The following XKR9 variants were observed in gnomAD, a reference collection of about 807,000 sequenced individuals.
XKR9 encodes the protein XK-related protein 9.
In XKR9, 32 loss-of-function variants were observed where a neutral mutation model predicts 32.0. The observed-to-expected ratio is 1.00, with a 90% CI of 0.76 to 1.34. The LOEUF is 1.34. XKR9 is among the 40% of genes most tolerant of loss of function. The pLI is 0.00. For missense variants in XKR9, 546 were observed against 429.7 expected, an observed-to-expected ratio of 1.27 and a Z score of -2.39; for synonymous variants, 168 against 143.4, an observed-to-expected ratio of 1.17 and a Z score of -1.22.
intron 3 of XKR9, among the ~76,000 whole-genome samples, chr8:70,695,583 G>A (rs1007861890): frequency 6.0e-4 from 91 of 151,858 alleles, no homozygotes; most frequent in African/African-American, 2.1e-3. Context: ...ATCATTGTTG[G>A]ACATCTGGGT....
the XKR9 span, among the ~76,000 whole-genome samples, chr8:70,934,041 AAG>A: frequency 4.1e-4 from 63 of 152,166 alleles, 2 homozygotes; most frequent in South Asian, 0.013. Flanking sequence ...GAAGGGGAAA[AAG>A]AGAAGAAAAA....
the XKR9 span, among the ~76,000 whole-genome samples, chr8:70,897,716 A>G: frequency 6.6e-6 from 1 of 152,072 alleles, no homozygotes; most frequent in Non-Finnish European, 1.5e-5. Flanking sequence ...CCCACTTTTA[A>G]ATAGGATTAT....
chr8:70,995,177 G>A, the XKR9 span, among the ~76,000 whole-genome samples: 1 of 152,142 alleles, frequency 6.6e-6, no homozygotes, highest in Non-Finnish European at 1.5e-5. Flanking sequence ...AACGATAAGT[G>A]GCTGAGAGAA....
the XKR9 span, among the ~76,000 whole-genome samples, chr8:71,063,721 T>C: frequency 6.6e-6 from 1 of 152,228 alleles, no homozygotes; most frequent in African/African-American, 2.4e-5. Flanking sequence ...TTAATGTTAG[T>C]TGCATGTGAA....
At chr8:70,915,931 C>A in the XKR9 span, among the ~76,000 whole-genome samples, 2 of 152,150 alleles carry the variant, frequency 1.3e-5, no homozygotes, top group South Asian at 4.1e-4. Context: ...TTAAGTCAAC[C>A]ACAAGCTAAC....
intron 4 of XKR9, among the ~76,000 whole-genome samples, chr8:70,724,609 G>A (rs1182744078): frequency 6.6e-6 from 1 of 152,102 alleles, no homozygotes; most frequent in Non-Finnish European, 1.5e-5. Context: ...GTCCCTCACG[G>A]CTTCCCTTGG....
chr8:70,711,267 A>T (rs993254999), intron 4 of XKR9, among the ~76,000 whole-genome samples: 1 of 152,196 alleles, frequency 6.6e-6, no homozygotes, highest in Non-Finnish European at 1.5e-5. Flanking sequence ...CAGCAATCCC[A>T]TTACTGGGTA....
At chr8:70,732,553 C>G (rs1285850298) in intron 4 of XKR9, among the ~76,000 whole-genome samples, 1 of 152,178 alleles carries the variant, frequency 6.6e-6, no homozygotes, top group African/African-American at 2.4e-5. Flanking sequence ...TTTGTAACCA[C>G]CCAGTGGGTT....
the XKR9 span, among the ~76,000 whole-genome samples, chr8:70,939,868 G>A: frequency 3.3e-5 from 5 of 152,160 alleles, no homozygotes; most frequent in East Asian, 9.7e-4. Flanking sequence ...TTGGTCACTT[G>A]CTGTATTCTA....
the XKR9 span, among the ~76,000 whole-genome samples, chr8:70,966,811 C>T: frequency 3.3e-5 from 5 of 152,030 alleles, no homozygotes; most frequent in African/African-American, 4.8e-5. Context: ...TCCTGTATTG[C>T]GTGCATATAT....
chr8:70,932,388 C>T, the XKR9 span, among the ~76,000 whole-genome samples: 1 of 151,958 alleles, frequency 6.6e-6, no homozygotes, highest in African/African-American at 2.4e-5. Flanking sequence ...TTTAAGGATG[C>T]AAATATTCAG....
chr8:71,050,234 G>GATATATATATATATATATATATAT, the XKR9 span, among the ~76,000 whole-genome samples: 1 of 95,960 alleles, frequency 1.0e-5, no homozygotes, highest in Non-Finnish European at 2.4e-5. Flanking sequence ...ATGCCTGGCA[G>GATATATATATATATATATATATAT]AGATATATAT....
At chr8:70,676,804 A>G (rs1178315010) in intron 2 of XKR9, among the ~76,000 whole-genome samples, 1 of 152,156 alleles carries the variant, frequency 6.6e-6, no homozygotes, top group African/African-American at 2.4e-5. Flanking sequence ...GAGCACAGGA[A>G]TTCAAGACCA....
chr8:70,977,511 A>G, the XKR9 span, among the ~76,000 whole-genome samples: 1 of 152,194 alleles, frequency 6.6e-6, no homozygotes. Flanking sequence ...TCATTCAGGA[A>G]CATTTTTCTC....
chr8:70,694,032 A>G (rs1202869820), intron 3 of XKR9, among the ~76,000 whole-genome samples: 1 of 151,932 alleles, frequency 6.6e-6, no homozygotes, highest in Non-Finnish European at 1.5e-5. Flanking sequence ...GGGAATGGGT[A>G]CCCATGTAAC....
the XKR9 span, among the ~76,000 whole-genome samples, chr8:70,869,135 A>G: frequency 6.6e-6 from 1 of 152,212 alleles, no homozygotes; most frequent in Admixed American, 6.5e-5. Context: ...CCTGTCTTCC[A>G]TGGAGCCCTC....
chr8:71,021,798 G>A, the XKR9 span, among the ~76,000 whole-genome samples: 3 of 152,168 alleles, frequency 2.0e-5, no homozygotes, highest in Admixed American at 2.0e-4. Context: ...ACCGCGCCCG[G>A]CCTGTTGATG....
At chr8:70,848,118 C>A in the XKR9 span, among the ~76,000 whole-genome samples, 1 of 152,030 alleles carries the variant, frequency 6.6e-6, no homozygotes. Context: ...GATCATTCAC[C>A]ATGATCAAGT....
the XKR9 span, among the ~76,000 whole-genome samples, chr8:70,968,933 A>T: frequency 6.6e-6 from 1 of 152,116 alleles, no homozygotes; most frequent in East Asian, 1.9e-4. Context: ...GGGATCGGGG[A>T]CCCACTTAAA....
Sources: gnomAD v4.1 joint callset for allele counts (sites outside exome capture counted in the v4.1 genomes callset) on GRCh38, gnomAD v4.1.1 for gene constraint, MANE v1.5 for transcripts, NCBI Gene and HGNC (gene_info 2026-07-23, HGNC 2026-07-21) for gene names.